PDE8B: variants seen among roughly 807,000 people sequenced by gnomAD.
PDE8B encodes the protein phosphodiesterase 8B, also known as high affinity cAMP-specific and IBMX-insensitive 3',5'-cyclic phosphodiesterase 8B.
A neutral mutation model predicts 101.3 loss-of-function variants in PDE8B; 26 were observed. That is an observed-to-expected ratio of 0.26 (90% CI 0.19 to 0.36). The LOEUF is 0.36. Among genes scored for constraint, PDE8B ranks in the 10% least tolerant of loss-of-function variants. The pLI, the probability that PDE8B is intolerant of heterozygous loss-of-function variation, is 1.00. For missense variants in PDE8B, 810 were observed against 1,163.1 expected (o/e 0.70, Z 4.42); for synonymous variants, 424 against 429.3 (o/e 0.99, Z 0.15).
intron 19 of PDE8B, among the ~76,000 whole-genome samples, chr5:77,420,938 T>TA (rs1027791328): frequency 6.6e-6 from 1 of 152,228 alleles, no homozygotes; most frequent in African/African-American, 2.4e-5. Context: ...GGTCCAGTCT[T>TA]AAACCCCCCA....
At chr5:77,381,641 A>G (rs1322386816) in intron 10 of PDE8B, among the ~76,000 whole-genome samples, 1 of 151,952 alleles carries the variant, frequency 6.6e-6, no homozygotes, top group African/African-American at 2.4e-5. Flanking sequence ...TAAAAGGTTG[A>G]CATGAACACA....
intron 1 of PDE8B, among the ~76,000 whole-genome samples, chr5:77,250,189 A>G (rs1757789459): frequency 6.6e-6 from 1 of 152,168 alleles, no homozygotes; most frequent in African/African-American, 2.4e-5. Flanking sequence ...GGTATGTTGC[A>G]TTTTCATCTT....
chr5:77,262,696 G>C lies in PDE8B; in HGVS notation c.340-49298G>C, dbSNP rs546986817. Among the ~76,000 whole-genome samples the C allele has an allele frequency of 7.2e-5, 11 of 152,266 alleles. No individual in the cohort carries two copies. In the East Asian group the frequency reaches 7.7e-4, roughly 11 times the overall value. ...GTTGTGCCTCTGATTTTCTACTTCT[G>C]TCTTTAGTGCACTTGTAATATGCCA... On this transcript the variant is annotated intron_variant, in intron 1 of 21. Transcript: ENST00000264917.
At chr5:77,393,396 A>G (rs1790363851) in intron 10 of PDE8B, among the ~76,000 whole-genome samples, 1 of 148,872 alleles carries the variant, frequency 6.7e-6, no homozygotes, top group Non-Finnish European at 1.5e-5. Flanking sequence ...CTGTCTCCAA[A>G]AAAAAAAAAA....
At chr5:77,342,879 C>T (rs909005365) in intron 6 of PDE8B, among the ~76,000 whole-genome samples, 1 of 152,154 alleles carries the variant, frequency 6.6e-6, no homozygotes, top group African/African-American at 2.4e-5. Context: ...AGCCGAGTAA[C>T]ATCACAACAG....
chr5:77,362,815 C>T (rs12189200), intron 10 of PDE8B, among the ~76,000 whole-genome samples: 17,165 of 152,154 alleles, frequency 0.11, 1,807 homozygotes, highest in African/African-American at 0.28. Flanking sequence ...TCCTCCTGTC[C>T]TCCTGGAAAA....
At chr5:77,324,757 G>T (rs6873924) in intron 2 of PDE8B, among the ~76,000 whole-genome samples, 14,765 of 152,138 alleles carry the variant, frequency 0.097, 1,295 homozygotes, top group African/African-American at 0.23. Flanking sequence ...GTTCAAAGAG[G>T]TGGCCTCCAG....
At chr5:77,335,353 T>C (rs143928684) in intron 5 of PDE8B, among the ~76,000 whole-genome samples, 2 of 152,334 alleles carry the variant, frequency 1.3e-5, no homozygotes, top group African/African-American at 4.8e-5. Context: ...CATGTTTAAC[T>C]TTGCTCTGTA....
intron 10 of PDE8B, among the ~76,000 whole-genome samples, chr5:77,390,219 T>C (rs1288068886): frequency 6.6e-6 from 1 of 152,214 alleles, no homozygotes; most frequent in Non-Finnish European, 1.5e-5. Context: ...TTAATAGTGC[T>C]TTTTAGAACC....
At chr5:77,109,927 G>GTTT in the PDE8B span, among the ~76,000 whole-genome samples, 534 of 67,260 alleles carry the variant, frequency 7.9e-3, 131 homozygotes, top group East Asian at 0.018. Context: ...TTGTATTTCA[G>GTTT]TTTTTTTTTT....
Position 77,318,055 on chromosome 5 carries a change from C to CAAAAAAAA in PDE8B, c.399+6017_399+6024dup, listed in dbSNP as rs55952764. On this transcript the variant is annotated intron_variant, in intron 2 of 21. Transcript: ENST00000264917. ...TGGGCAACAGAGTGAGACTCCATCT[C>CAAAAAAAA]AAAAAAAAAAAAAAAAAAAAAACAC... 6.3e-3 allele frequency among the ~76,000 whole-genome samples: 360 copies of CAAAAAAAA among 57,124 alleles called. 15 individuals carry two copies. Among genetic ancestry groups the CAAAAAAAA allele is most frequent in the African/African-American group, 0.024 (339 of 14,126 alleles). 37.5% of individuals were successfully genotyped at this position (57,124 alleles called of 152,430 possible). A position where few individuals can be genotyped will look rare whatever the true frequency, so the allele number is the denominator to read the frequency against.
chr5:77,335,019 G>T (rs1777864694), intron 5 of PDE8B, among the ~76,000 whole-genome samples: 1 of 152,020 alleles, frequency 6.6e-6, no homozygotes, highest in Non-Finnish European at 1.5e-5. Flanking sequence ...TGCTAACTTT[G>T]TTTATCCCAA....
intron 8 of PDE8B, 117 bp downstream of exon 8, chr5:77,349,676 A>G: frequency 7.6e-6 from 9 of 1,179,626 alleles, no homozygotes; most frequent in African/African-American, 1.5e-5. Flanking sequence ...ATTAAGTGAA[A>G]GATCTATTAT....
At chr5:77,207,659 G>C (rs142570316), upstream of PDE8B, among the ~76,000 whole-genome samples, 398 of 152,200 alleles carry the variant, frequency 2.6e-3, 3 homozygotes, top group Non-Finnish European at 3.5e-3. Flanking sequence ...GTGGCAATTG[G>C]TTCAGAAATC....
intron 4 of PDE8B, 187 bp from the exon 5 acceptor site, chr5:77,331,215 T>C (rs1157941902): frequency 1.4e-6 from 1 of 706,356 alleles, no homozygotes; most frequent in South Asian, 1.5e-5. Flanking sequence ...TTTTTGTTCT[T>C]TTTGCATCTG....
intron 12 of PDE8B, 99 bp downstream of exon 12, chr5:77,404,896 G>C: frequency 1.3e-6 from 1 of 755,748 alleles, no homozygotes; most frequent in East Asian, 2.6e-5. Flanking sequence ...CAAAGAGTAA[G>C]AGTTCAACAA....
intron 10 of PDE8B, among the ~76,000 whole-genome samples, chr5:77,381,718 G>A (rs779144517): frequency 2.0e-5 from 3 of 152,050 alleles, no homozygotes; most frequent in East Asian, 1.9e-4. Context: ...GGTTTATGTC[G>A]CAAATGAATT....
chr5:77,363,639 G>A (rs10039955), intron 10 of PDE8B, among the ~76,000 whole-genome samples: 10,796 of 150,518 alleles, frequency 0.072, 585 homozygotes, highest in South Asian at 0.15. Context: ...TTGAATCCAG[G>A]AGGCGGAGGT....
the PDE8B span, among the ~76,000 whole-genome samples, chr5:77,138,717 C>T: frequency 6.6e-6 from 1 of 152,116 alleles, no homozygotes; most frequent in South Asian, 2.1e-4. Flanking sequence ...TTTTTTTCTA[C>T]TTGCTTTTAT....
Sources: allele counts gnomAD v4.1 joint callset (sites outside exome capture counted in the v4.1 genomes callset), GRCh38; gene constraint gnomAD v4.1.1; transcripts MANE v1.5; gene names NCBI Gene and HGNC (gene_info 2026-07-23, HGNC 2026-07-21).